RIPK1: variants seen among roughly 807,000 people sequenced by gnomAD.
RIPK1 encodes the protein receptor interacting serine/threonine kinase 1.
In RIPK1, 27 loss-of-function variants were observed where a neutral mutation model predicts 62.4. That is an observed-to-expected ratio of 0.43 (90% confidence interval 0.32 to 0.60). The LOEUF is 0.60. Among genes scored for constraint, RIPK1 ranks in the 20% least tolerant of loss-of-function variants. The pLI is 0.07. For synonymous variants in RIPK1, 287 were observed against 303.2 expected (o/e 0.95, Z 0.55); for missense variants, 735 against 831.0 (o/e 0.88, Z 1.42).
At chr6:3,064,626 G>T (rs1462892727), upstream of RIPK1, among the ~76,000 whole-genome samples, 1 of 152,128 alleles carries the variant, frequency 6.6e-6, no homozygotes, top group South Asian at 2.1e-4. Context: ...AATCACTTTC[G>T]GGAGGAAGGG....
At position 3,095,413 on chromosome 6, in the gene RIPK1, G is replaced by A. The variant is rs2113659936; in HGVS notation, c.915+5756G>A. ...TGTCAATCTTATACAGTTTTCTCTAGATAATAGAGAAGAGAGAACTCTTCC... is the reference window on the plus strand; with the variant it reads ...TGTCAATCTTATACAGTTTTCTCTAAATAATAGAGAAGAGAGAACTCTTCC... On this transcript the variant is annotated intron_variant, in intron 7 of 10. Coordinates refer to ENST00000259808, the MANE Select transcript of RIPK1 (RefSeq NM_001354930.2). 1.3e-5 allele frequency among the ~76,000 whole-genome samples: 2 copies of A among 152,254 alleles called. 1 individual carries two copies. Among genetic ancestry groups the A allele is most frequent in the South Asian group, 4.1e-4 (2 of 4,826 alleles).
upstream of RIPK1, among the ~76,000 whole-genome samples, chr6:3,065,354 C>G (rs1289707494): frequency 6.8e-6 from 1 of 147,134 alleles, no homozygotes; most frequent in African/African-American, 2.5e-5. Context: ...GGGTTGTGTT[C>G]ATTGTCCAAG....
intron 7 of RIPK1, among the ~76,000 whole-genome samples, chr6:3,096,863 A>ATTTTGTTTTGTTTTG (rs112448743): frequency 2.1e-5 from 3 of 140,540 alleles, no homozygotes; most frequent in African/African-American, 8.0e-5. Context: ...CCAGCCAAGT[A>ATTTTGTTTTGTTTTG]TTTTGTTTTG....
chr6:3,068,457 G>C (rs968856267), upstream of RIPK1: 3 of 985,388 alleles, frequency 3.0e-6, no homozygotes, highest in South Asian at 9.4e-5. Context: ...CCTCCTCCCC[G>C]GCAAGGGCCG....
rs1179803948 is a variant in RIPK1 at position 3,072,808 on chromosome 6, C to G, written c.-60-3956C>G. On this transcript the variant is annotated intron_variant, in intron 1 of 10. Transcript: ENST00000259808. This position sits in a 1 kb window ranked among gnomAD's most constrained non-coding sequence, Gnocchi z 5.6. ...GGCCTAAGAGGGTGGGGCGGATGACCCTTATGGAATGGGGAAGGCTTCACA... is the reference window on the plus strand; with the variant it reads ...GGCCTAAGAGGGTGGGGCGGATGACGCTTATGGAATGGGGAAGGCTTCACA... 6.6e-6 allele frequency among the ~76,000 whole-genome samples: 1 copy of G among 152,134 alleles called. No homozygotes were observed. Among genetic ancestry groups the G allele is most frequent in the African/African-American group, 2.4e-5 (1 of 41,424 alleles).
intron 7 of RIPK1, among the ~76,000 whole-genome samples, chr6:3,095,590 G>A (rs1338045676): frequency 6.6e-6 from 1 of 152,040 alleles, no homozygotes; most frequent in Admixed American, 6.6e-5. Context: ...AAGAACAAAC[G>A]CAAAATTCGG....
chr6:3,105,681 T>A lies in RIPK1; in HGVS notation c.1206T>A (p.Asn402Lys). 1 of 1,614,102 alleles carries A rather than the reference T, an allele frequency of 6.2e-7. No individual in the cohort carries two copies. The highest frequency in any genetic ancestry group is 8.5e-7 in the Non-Finnish European group (1 of 1,179,978). The stretch of plus-strand genomic sequence containing the variant: ...AGACGAAACAGCAGCCCAGACAGAA[T>A]GTGGCTTACAACAGAGAGGAGGAAA... ...DRQTKQQPRQNVAYNREEERR... is the reference protein window; with the variant it reads ...DRQTKQQPRQKVAYNREEERR... Residue 402 changes from asparagine (N) to lysine (K), a missense_variant, in exon 9 of 11, where the codon AAT becomes AAA. By Grantham distance (94) the Asn-to-Lys change is moderately conservative. Around this residue, in one of 2 missense-constraint regions of RIPK1, gnomAD observed 671 missense variants for 726.2 expected, o/e 0.92. Coordinates refer to ENST00000259808, the MANE Select transcript of RIPK1 (RefSeq NM_001354930.2). This position sits in a 1 kb window ranked among gnomAD's most constrained non-coding sequence, Gnocchi z 4.5.
chr6:3,081,860 TAAAAAAAAAAAAAAAAAAA>T (rs58330257), intron 4 of RIPK1, among the ~76,000 whole-genome samples: 682 of 22,850 alleles, frequency 0.03, 21 homozygotes, highest in African/African-American at 0.066. Flanking sequence ...AACTCTGCCT[TAAAAAAAAAAAAAAAAAAA>T]AAAAAAAAAA....
rs116338202 is a variant in RIPK1 at position 3,072,108 on chromosome 6, G to C, written c.-61+3447G>C. ...CATGCTAAGTGTTTTACCTACTTTT[G>C]CTGTTCTATGTAATGCTACCAGGAA... On this transcript the variant is annotated intron_variant, in intron 1 of 10. Transcript: ENST00000259808. The surrounding 1 kb of genome is among the most constrained non-coding windows in gnomAD (Gnocchi z 5.6). Among the ~76,000 whole-genome samples, 1 of 152,040 alleles carries C rather than the reference G, an allele frequency of 6.6e-6. No individual in the cohort carries two copies. Among genetic ancestry groups the C allele is most frequent in the African/African-American group, 2.4e-5 (1 of 41,366 alleles).
rs34457341 is a variant in RIPK1 at position 3,105,669 on chromosome 6, G to C, written c.1194G>C (p.Gln398His). The C allele has an allele frequency of 2.5e-5, 40 of 1,613,924 alleles. No individual in the cohort carries two copies. The East Asian group carries it at 8.5e-4, about 34-fold the overall frequency. ...GCATGGACAGGCAGACGAAACAGCAGCCCAGACAGAATGTGGCTTACAACA... is the reference window on the plus strand; with the variant it reads ...GCATGGACAGGCAGACGAAACAGCACCCCAGACAGAATGTGGCTTACAACA... ...GSRMDRQTKQ[Q>H]PRQNVAYNRE... The change falls in exon 9 of 11, where the codon CAG (glutamine) becomes CAC (histidine). Residue 398 changes from glutamine (Q) to histidine (H), a missense_variant. Transcript: ENST00000259808. This position sits in a 1 kb window ranked among gnomAD's most constrained non-coding sequence, Gnocchi z 4.5.
chr6:3,096,096 C>CA (rs1760276793), intron 7 of RIPK1, among the ~76,000 whole-genome samples: 3 of 152,302 alleles, frequency 2.0e-5, no homozygotes, highest in African/African-American at 7.2e-5. Flanking sequence ...TTCAGCTTCC[C>CA]AAAGTGCTGG....
In RIPK1 at chr6:3,105,436, T is replaced by A. The variant is rs1561773506; in HGVS notation, c.1007-46T>A. 2.1e-6 allele frequency: 3 copies of A among 1,402,976 alleles called. No individual in the cohort carries two copies. Among genetic ancestry groups the A allele is most frequent in the South Asian group, 1.4e-5 (1 of 70,402 alleles). 86.9% of individuals were successfully genotyped at this position (1,402,976 alleles called of 1,614,324 possible). A position where few individuals can be genotyped will look rare whatever the true frequency, so the allele number is the denominator to read the frequency against. ...CGGCGCTCAGATTTTATTTTACTTT[T>A]TAATGTTTCATGACACCCATTCTAA... On this transcript the variant is annotated intron_variant, in intron 8 of 10. Transcript: ENST00000259808. The surrounding 1 kb of genome is among the most constrained non-coding windows in gnomAD (Gnocchi z 4.5).
chr6:3,068,893 C>G (rs1758529818), intron 1 of RIPK1: 1 of 165,334 alleles, frequency 6.0e-6, no homozygotes, highest in Non-Finnish European at 1.2e-5. Context: ...CCGGGGCGGC[C>G]GCGGGCTTCC....
intron 3 of RIPK1, 129 bp downstream of exon 3, chr6:3,078,064 TCTTTTCCTTTTTTTATA>T: frequency 1.1e-6 from 1 of 874,256 alleles, no homozygotes; most frequent in South Asian, 1.8e-5. Flanking sequence ...GTTTGAATTT[TCTTTTCCTTTTTTTATA>T]GAGACAAGGT....
intron 4 of RIPK1, among the ~76,000 whole-genome samples, chr6:3,082,824 T>C (rs1759466605): frequency 6.6e-6 from 1 of 152,152 alleles, no homozygotes. Context: ...CTTCCGCTTT[T>C]CCCCTCCCCC....
chr6:3,106,108 G>T, intron 9 of RIPK1, 57 bp downstream of exon 9: 1 of 1,247,972 alleles, frequency 8.0e-7, no homozygotes. Context: ...AGAAAATACA[G>T]CAACCAAGCA....
upstream of RIPK1, among the ~76,000 whole-genome samples, chr6:3,067,497 G>A (rs1489117005): frequency 1.3e-5 from 2 of 152,020 alleles, no homozygotes; most frequent in Non-Finnish European, 2.9e-5. Flanking sequence ...ATGATGTTGA[G>A]CATCTTTTCA....
intron 4 of RIPK1, 25 bp from the exon 5 acceptor site, chr6:3,083,060 C>T: frequency 6.2e-7 from 1 of 1,608,456 alleles, no homozygotes; most frequent in Non-Finnish European, 8.5e-7. Flanking sequence ...ACCAAACAAT[C>T]CCAGTGGCTC....
At chr6:3,065,673 GA>G (rs1758349750), upstream of RIPK1, among the ~76,000 whole-genome samples, 1 of 152,172 alleles carries the variant, frequency 6.6e-6, no homozygotes, top group Non-Finnish European at 1.5e-5. Flanking sequence ...CTGTGGCCAA[GA>G]GACCTACCCC....
Sources: gnomAD v4.1 joint callset for allele counts (sites outside exome capture counted in the v4.1 genomes callset) on GRCh38, gnomAD v4.1.1 for gene constraint, gnomAD v4.1.1 regional missense constraint, Gnocchi (gnomAD v3.1) non-coding constraint, MANE v1.5 for transcripts, NCBI Gene and HGNC (gene_info 2026-07-23, HGNC 2026-07-21) for gene names.